CACNB2: variants seen among roughly 807,000 people sequenced by gnomAD.
CACNB2 encodes calcium voltage-gated channel auxiliary subunit beta 2.
In CACNB2, 42 loss-of-function variants were observed where a neutral mutation model predicts 73.3. The observed-to-expected ratio is 0.57, with a 90% CI of 0.45 to 0.74. The LOEUF (loss-of-function observed/expected upper bound fraction) is 0.74, where lower values mean the gene tolerates loss of function less well. CACNB2 is among the 30% of genes least tolerant of loss of function. The probability of loss-of-function intolerance (pLI) is 0.00; values close to 1 mark genes in which losing one functional copy is unlikely to be tolerated. For synonymous variants in CACNB2, 348 were observed against 310.3 expected (o/e 1.12, Z -1.28); for missense variants, 940 against 853.0 (o/e 1.10, Z -1.27).
rs2054133617 is a variant in CACNB2, at chr10:18,543,065, G to T, written c.*3341G>T. The T allele has an allele frequency of 6.6e-6, 1 of 152,030 alleles. No homozygotes were observed. 9.4% of individuals were successfully genotyped at this position (152,030 alleles called of 1,614,324 possible). On this transcript the variant is annotated 3_prime_UTR_variant, in exon 14 of 14. Coordinates refer to ENST00000324631, the MANE Select transcript of CACNB2 (RefSeq NM_201596.3). ...TATGCATTCCTGTTAAACATTCACT[G>T]TCAGCTACACTGAACTGTCTAACAA...
chr10:18,477,445 G>T (rs1202321630), intron 3 of CACNB2, among the ~76,000 whole-genome samples: 1 of 152,176 alleles, frequency 6.6e-6, no homozygotes, highest in African/African-American at 2.4e-5. Flanking sequence ...AGTTGCTGTT[G>T]TTAGAATGTC....
chr10:18,430,083 T>C (rs1455653524), intron 3 of CACNB2, among the ~76,000 whole-genome samples: 1 of 151,806 alleles, frequency 6.6e-6, no homozygotes, highest in African/African-American at 2.4e-5. Flanking sequence ...GGTATAATCT[T>C]CTATTTATTT....
At chr10:18,373,127 T>C (rs1276320653) in intron 2 of CACNB2, among the ~76,000 whole-genome samples, 1 of 152,134 alleles carries the variant, frequency 6.6e-6, no homozygotes, top group African/African-American at 2.4e-5. Context: ...CATATTTCCC[T>C]AAAGACTAGC....
At chr10:18,400,309 G>C (rs2043926156) in intron 2 of CACNB2, among the ~76,000 whole-genome samples, 1 of 152,176 alleles carries the variant, frequency 6.6e-6, no homozygotes, top group Non-Finnish European at 1.5e-5. Context: ...TAGTGGAGCA[G>C]GTAATGGAAA....
At chr10:18,326,004 G>A (rs1317804604) in intron 2 of CACNB2, among the ~76,000 whole-genome samples, 1 of 152,084 alleles carries the variant, frequency 6.6e-6, no homozygotes, top group African/African-American at 2.4e-5. Flanking sequence ...CAAAGCTGCT[G>A]AGATTATAGG....
At chr10:18,378,039 G>C (rs2042871787) in intron 2 of CACNB2, among the ~76,000 whole-genome samples, 1 of 152,112 alleles carries the variant, frequency 6.6e-6, no homozygotes, top group African/African-American at 2.4e-5. Flanking sequence ...TGCTTCAGCT[G>C]CTTGTTGGGA....
chr10:18,535,569 G>C (rs1031188600), intron 11 of CACNB2, among the ~76,000 whole-genome samples: 1 of 151,948 alleles, frequency 6.6e-6, no homozygotes, highest in East Asian at 1.9e-4. Context: ...TCAGGAGATC[G>C]AGACCATCCT....
chr10:18,514,876 C>A, intron 7 of CACNB2: 2 of 789,540 alleles, frequency 2.5e-6, no homozygotes, highest in Non-Finnish European at 4.4e-6. Flanking sequence ...CATATTAAAG[C>A]AGTTATTAAA....
chr10:18,313,028 T>A (rs534407767), intron 2 of CACNB2, among the ~76,000 whole-genome samples: 1 of 152,248 alleles, frequency 6.6e-6, no homozygotes, highest in African/African-American at 2.4e-5. Context: ...AACAGGATGA[T>A]TGAAGCAAAT....
At chr10:18,339,209 T>C (rs900682445) in intron 2 of CACNB2, among the ~76,000 whole-genome samples, 1 of 152,118 alleles carries the variant, frequency 6.6e-6, no homozygotes, top group Non-Finnish European at 1.5e-5. Flanking sequence ...ATATCTAATG[T>C]GACTGTACCA....
chr10:18,466,115 A>G (rs1188321333), intron 3 of CACNB2, among the ~76,000 whole-genome samples: 1 of 152,238 alleles, frequency 6.6e-6, no homozygotes, highest in African/African-American at 2.4e-5. Flanking sequence ...CTTATCTGAC[A>G]TTCCAGTTAC....
At chr10:18,486,579 G>A (rs544931867) in intron 3 of CACNB2, among the ~76,000 whole-genome samples, 14 of 152,256 alleles carry the variant, frequency 9.2e-5, no homozygotes, top group South Asian at 4.2e-4. Flanking sequence ...CAAGTCTTGC[G>A]GCCAAAAAGC....
At chr10:18,266,941 A>C (rs2037833516) in intron 2 of CACNB2, among the ~76,000 whole-genome samples, 1 of 152,134 alleles carries the variant, frequency 6.6e-6, no homozygotes, top group Non-Finnish European at 1.5e-5. Flanking sequence ...TGGGAAATAT[A>C]TTTGCACAGT....
intron 11 of CACNB2, among the ~76,000 whole-genome samples, chr10:18,534,528 T>C (rs2053371241): frequency 6.6e-6 from 1 of 152,206 alleles, no homozygotes; most frequent in Non-Finnish European, 1.5e-5. Context: ...GATATTTGCA[T>C]GGCTGATGCA....
intron 1 of CACNB2, among the ~76,000 whole-genome samples, chr10:18,148,969 C>T (rs1347041889): frequency 6.7e-6 from 1 of 148,568 alleles, no homozygotes; most frequent in Non-Finnish European, 1.5e-5. Flanking sequence ...CATATCACTG[C>T]ACTCCAGCCT....
intron 2 of CACNB2, among the ~76,000 whole-genome samples, chr10:18,178,367 C>T (rs1343714966): frequency 1.3e-5 from 2 of 152,160 alleles, no homozygotes; most frequent in Non-Finnish European, 2.9e-5. Context: ...CTAATCTTCT[C>T]AGATTCCTTC....
intron 2 of CACNB2, among the ~76,000 whole-genome samples, chr10:18,374,626 A>G (rs964632963): frequency 8.5e-5 from 13 of 152,186 alleles, no homozygotes; most frequent in African/African-American, 3.1e-4. Flanking sequence ...AATCTGAATA[A>G]TCTTTTGAAG....
At chr10:18,239,431 TG>T (rs2036566987) in intron 2 of CACNB2, among the ~76,000 whole-genome samples, 1 of 152,162 alleles carries the variant, frequency 6.6e-6, no homozygotes, top group African/African-American at 2.4e-5. Context: ...CTTAAGACAA[TG>T]GCCTCCAGTT....
At chr10:18,254,363 C>T (rs1429367942) in intron 2 of CACNB2, among the ~76,000 whole-genome samples, 2 of 152,104 alleles carry the variant, frequency 1.3e-5, no homozygotes, top group Non-Finnish European at 2.9e-5. Flanking sequence ...TTAAATTTAT[C>T]ATTGAGGTTT....
Sources: allele counts gnomAD v4.1 joint callset (sites outside exome capture counted in the v4.1 genomes callset), GRCh38; gene constraint gnomAD v4.1.1; transcripts MANE v1.5; gene names NCBI Gene and HGNC (gene_info 2026-07-23, HGNC 2026-07-21).